BRINP3: variants seen among roughly 807,000 people sequenced by gnomAD.
BRINP3 encodes BMP/retinoic acid inducible neural specific 3.
In BRINP3, 19 loss-of-function variants were observed where a neutral mutation model predicts 71.0. That is an observed-to-expected ratio of 0.27 (90% CI 0.19 to 0.39). The LOEUF is 0.39. Ranked by LOEUF, BRINP3 falls within the 10% of genes least tolerant of loss-of-function variation. The probability of loss-of-function intolerance (pLI) is 1.00; values close to 1 mark genes in which losing one functional copy is unlikely to be tolerated. For missense variants in BRINP3, 959 were observed against 940.8 expected, an observed-to-expected ratio of 1.02 and a Z score of -0.25; for synonymous variants, 380 against 337.7, an observed-to-expected ratio of 1.13 and a Z score of -1.37.
At chr1:190,116,062 A>G (rs1653110831) in intron 7 of BRINP3, among the ~76,000 whole-genome samples, 1 of 152,090 alleles carries the variant, frequency 6.6e-6, no homozygotes, top group Non-Finnish European at 1.5e-5. Context: ...TCTCCTGTGT[A>G]GTGTAAAATC....
chr1:190,145,156 T>G (rs1475395885), intron 7 of BRINP3, among the ~76,000 whole-genome samples: 5 of 152,120 alleles, frequency 3.3e-5, no homozygotes, highest in Admixed American at 6.6e-5. Flanking sequence ...TTATATACAT[T>G]ATATATAATC....
chr1:190,129,452 C>T (rs1325260419), intron 7 of BRINP3, among the ~76,000 whole-genome samples: 3 of 151,754 alleles, frequency 2.0e-5, no homozygotes, highest in African/African-American at 7.3e-5. Context: ...TATTATTTAC[C>T]AGTTCTGGGG....
At chr1:190,200,516 G>A (rs1168455104) in intron 6 of BRINP3, among the ~76,000 whole-genome samples, 1 of 152,036 alleles carries the variant, frequency 6.6e-6, no homozygotes, top group Non-Finnish European at 1.5e-5. Flanking sequence ...TTTTATATAT[G>A]AGACTTAGGA....
intron 1 of BRINP3, among the ~76,000 whole-genome samples, chr1:190,463,042 A>G (rs1307537900): frequency 6.6e-6 from 1 of 151,930 alleles, no homozygotes; most frequent in Admixed American, 6.6e-5. Flanking sequence ...ATTAGAAAAC[A>G]TTTTTCATAT....
intron 2 of BRINP3, among the ~76,000 whole-genome samples, chr1:190,453,375 C>T (rs1675778196): frequency 6.6e-6 from 1 of 151,478 alleles, no homozygotes; most frequent in Non-Finnish European, 1.5e-5. Flanking sequence ...CGCTAGCCAC[C>T]ACGCCCGGCT....
rs148869641 is a variant in BRINP3, at chr1:190,226,283, G to A, written c.760C>T (p.Arg254Cys). The change falls in exon 6 of 8, where the codon CGT (arginine) becomes TGT (cysteine). Residue 254 changes from arginine (R) to cysteine (C), a missense_variant. Arg to Cys is a radical substitution (Grantham distance 180, BLOSUM62 -3). Coordinates refer to ENST00000367462, the MANE Select transcript of BRINP3 (RefSeq NM_199051.3). ...TAGCTCAAAGCTGCTTGTACAAAACGTTCCTGAAGATAGTCTGGGAGAAGT... is the reference window on the plus strand; with the variant it reads ...TAGCTCAAAGCTGCTTGTACAAAACATTCCTGAAGATAGTCTGGGAGAAGT... ...QVLLPDYLQE[R>C]FVQAALSYIA... 66 of 1,607,088 alleles carry A rather than the reference G, an allele frequency of 4.1e-5. No individual in the cohort carries two copies. The highest frequency in any genetic ancestry group is 5.1e-5 in the Admixed American group (3 of 59,024).
At position 190,098,723 on chromosome 1, in the gene BRINP3, C is replaced by A. The variant is rs1188749864; in HGVS notation, c.1596G>T (p.Arg532=). 3 of 1,614,190 alleles carry A rather than the reference C, an allele frequency of 1.9e-6. No homozygotes were observed. The highest frequency in any genetic ancestry group is 2.5e-6 in the Non-Finnish European group (3 of 1,180,044). Residue 532 remains arginine (R), a synonymous_variant, in exon 8 of 8, where the codon CGG becomes CGT. Coordinates refer to ENST00000367462, the MANE Select transcript of BRINP3 (RefSeq NM_199051.3). ...NSWFDPSWRK[R]MLLTLKSNKY... is the part of the protein sequence containing the mutation. ...TATTGCTCTTCAAGGTGAGGAGCAT[C>A]CGCTTACGCCAGGAGGGATCAAACC...
At chr1:190,120,824 C>T (rs1323965320) in intron 7 of BRINP3, among the ~76,000 whole-genome samples, 3 of 151,914 alleles carry the variant, frequency 2.0e-5, no homozygotes, top group Non-Finnish European at 4.4e-5. Flanking sequence ...TTGTTAAGTG[C>T]AAAATTTTTC....
chr1:190,227,220 G>A (rs1657472647), intron 5 of BRINP3, among the ~76,000 whole-genome samples: 1 of 151,456 alleles, frequency 6.6e-6, no homozygotes, highest in South Asian at 2.1e-4. Context: ...AATTTCACAT[G>A]TTTTCTGTTT....
chr1:190,360,511 TGA>T (rs1669070968), intron 2 of BRINP3, among the ~76,000 whole-genome samples: 1 of 152,168 alleles, frequency 6.6e-6, no homozygotes, highest in Admixed American at 6.6e-5. Context: ...CTTTAAAATG[TGA>T]GAGTGCGTTA....
chr1:190,182,079 T>C (rs577114201), intron 6 of BRINP3, among the ~76,000 whole-genome samples: 28 of 152,174 alleles, frequency 1.8e-4, no homozygotes, highest in African/African-American at 6.5e-4. Context: ...TTTCTACCTA[T>C]AGGTAAATGT....
At chr1:190,224,591 A>G (rs1657170548) in intron 6 of BRINP3, among the ~76,000 whole-genome samples, 1 of 151,938 alleles carries the variant, frequency 6.6e-6, no homozygotes, top group Admixed American at 6.6e-5. Context: ...TTTTGTTTGT[A>G]AAACCTCAAC....
chr1:190,177,566 C>T (rs2102522632), intron 6 of BRINP3, among the ~76,000 whole-genome samples: 1 of 151,640 alleles, frequency 6.6e-6, no homozygotes, highest in Middle Eastern at 3.4e-3. Flanking sequence ...ATTATTTAAA[C>T]AAATAAGGTA....
At chr1:190,338,732 C>A (rs1667454305) in intron 2 of BRINP3, among the ~76,000 whole-genome samples, 1 of 151,582 alleles carries the variant, frequency 6.6e-6, no homozygotes, top group Non-Finnish European at 1.5e-5. Flanking sequence ...TTATACTATC[C>A]AAGACCTCTG....
intron 7 of BRINP3, among the ~76,000 whole-genome samples, chr1:190,111,524 C>T (rs530490045): frequency 2.0e-5 from 3 of 152,162 alleles, no homozygotes; most frequent in African/African-American, 7.2e-5. Flanking sequence ...ACACAATGTG[C>T]CAAAATAAAA....
intron 2 of BRINP3, among the ~76,000 whole-genome samples, chr1:190,298,100 T>C (rs1206098049): frequency 6.6e-6 from 1 of 152,094 alleles, no homozygotes; most frequent in Non-Finnish European, 1.5e-5. Flanking sequence ...TTAATATGAG[T>C]TGTCAAATAT....
At chr1:190,155,939 C>T (rs1202718360) in intron 7 of BRINP3, among the ~76,000 whole-genome samples, 1 of 152,018 alleles carries the variant, frequency 6.6e-6, no homozygotes, top group Non-Finnish European at 1.5e-5. Context: ...TCAGGTAGTT[C>T]TTTATAGCAG....
chr1:190,160,596 A>G, intron 7 of BRINP3, 72 bp downstream of exon 7: 2 of 1,284,684 alleles, frequency 1.6e-6, no homozygotes, highest in Non-Finnish European at 2.2e-6. Context: ...ACACACCTGC[A>G]TTCAGAAAAA....
At chr1:190,418,238 G>A (rs931872664) in intron 2 of BRINP3, among the ~76,000 whole-genome samples, 6 of 152,098 alleles carry the variant, frequency 3.9e-5, no homozygotes, top group African/African-American at 1.4e-4. Flanking sequence ...TTTTTGTAGA[G>A]ACAGGGTTTC....
Sources: gnomAD v4.1 joint callset for allele counts (sites outside exome capture counted in the v4.1 genomes callset) on GRCh38, gnomAD v4.1.1 for gene constraint, MANE v1.5 for transcripts, NCBI Gene and HGNC (gene_info 2026-07-23, HGNC 2026-07-21) for gene names.